SLC15A5: variants seen among roughly 807,000 people sequenced by gnomAD.
The protein encoded by SLC15A5 is Peptide/histidine transporter ENSP00000340402.
In SLC15A5, 58 loss-of-function variants were observed where a neutral mutation model predicts 56.1. The ratio of observed to expected loss-of-function variants is 1.03; its 90% CI spans 0.84 to 1.29. The LOEUF (loss-of-function observed/expected upper bound fraction) is 1.29, where lower values mean the gene tolerates loss of function less well. Ranked by LOEUF, SLC15A5 falls within the 50% of genes most tolerant of loss-of-function variation. SLC15A5 has a pLI of 0.00. For synonymous variants in SLC15A5, 264 were observed against 250.5 expected, an observed-to-expected ratio of 1.05 and a Z score of -0.51; for missense variants, 681 against 672.1, an observed-to-expected ratio of 1.01 and a Z score of -0.15.
chr12:16,272,133 A>G (rs1864766439), intron 2 of SLC15A5, among the ~76,000 whole-genome samples: 2 of 152,160 alleles, frequency 1.3e-5, no homozygotes, highest in African/African-American at 2.4e-5. Context: ...AGCAATACAC[A>G]TGGTGTTACC....
intron 5 of SLC15A5, among the ~76,000 whole-genome samples, chr12:16,229,091 GT>G (rs1399099598): frequency 6.6e-6 from 1 of 152,168 alleles, no homozygotes; most frequent in Non-Finnish European, 1.5e-5. Flanking sequence ...TGGTCTTCTT[GT>G]TTCCACTCTT....
chr12:16,262,315 C>A (rs111429850), intron 2 of SLC15A5, among the ~76,000 whole-genome samples: 6 of 152,304 alleles, frequency 3.9e-5, no homozygotes, highest in Admixed American at 2.0e-4. Context: ...TCATTCCTCT[C>A]ATTCCTCTCA....
chr12:16,202,802 C>A (rs1330665977), intron 7 of SLC15A5, among the ~76,000 whole-genome samples: 1 of 152,074 alleles, frequency 6.6e-6, no homozygotes, highest in African/African-American at 2.4e-5. Context: ...AAAATTCTGT[C>A]ATTTGTGACA....
intron 3 of SLC15A5, 83 bp from the exon 4 acceptor site, chr12:16,244,883 C>G (rs968784089): frequency 6.5e-5 from 91 of 1,391,222 alleles, no homozygotes; most frequent in Admixed American, 4.5e-4. Context: ...GATAACGATT[C>G]AAGGATTCAC....
At chr12:16,224,716 G>GT (rs1864222599) in intron 5 of SLC15A5, 114 bp from the exon 6 acceptor site, 1 of 1,120,588 alleles carries the variant, frequency 8.9e-7, no homozygotes, top group Non-Finnish European at 1.2e-6. Context: ...TTGTTTGTTT[G>GT]TTTTTATTTT....
At position 16,235,664 on chromosome 12, in the gene SLC15A5, TAC is replaced by T. The variant is rs1864346303; in HGVS notation, c.1162+4015_1162+4016del. Among the ~76,000 whole-genome samples the T allele has an allele frequency of 6.6e-6, 1 of 152,154 alleles. No homozygotes were observed. The highest frequency in any genetic ancestry group is 6.5e-5 in the Admixed American group (1 of 15,268). ...TTCATGGTTTACTTCTTTTGGTGTT[TAC>T]GCAGTTCCTCCTATCAAGTATTTTA... On this transcript the variant is annotated intron_variant, in intron 5 of 8. Coordinates refer to ENST00000344941, the MANE Select transcript of SLC15A5 (RefSeq NM_001170798.1). The surrounding 1 kb of genome is among the most constrained non-coding windows in gnomAD (Gnocchi z 4.1).
chr12:16,270,790 T>C (rs996910429), intron 2 of SLC15A5, among the ~76,000 whole-genome samples: 12 of 152,142 alleles, frequency 7.9e-5, no homozygotes, highest in African/African-American at 2.9e-4. Context: ...GCCCCCGCAC[T>C]GTGTACAGGA....
At chr12:16,249,122 T>C (rs1413083933) in intron 3 of SLC15A5, among the ~76,000 whole-genome samples, 2 of 152,032 alleles carry the variant, frequency 1.3e-5, no homozygotes, top group Non-Finnish European at 2.9e-5. Flanking sequence ...CATTGCACTC[T>C]AGATGGTAGA....
At position 16,244,597 on chromosome 12, in the gene SLC15A5, T is replaced by C; in HGVS notation, c.958A>G (p.Arg320Gly). Residue 320 changes from arginine to glycine, a missense_variant, in exon 4 of 9, where the codon AGA (arginine) becomes GGA (glycine). Arg to Gly is a moderately radical substitution (Grantham distance 125). Transcript: ENST00000344941. Reference protein sequence around the residue: ...LPLFIFQLLYRMCIMQIPSGY... With the variant: ...LPLFIFQLLYGMCIMQIPSGY... ...GTCCTTACCTGCATAATGCACATTC[T>C]GTATAGGAGCTGAAAAATGAAGAGA... 5 of 1,537,736 alleles carry C rather than the reference T, an allele frequency of 3.3e-6. No homozygotes were observed. Among genetic ancestry groups the C allele is most frequent in the Non-Finnish European group, 4.4e-6 (5 of 1,147,024 alleles).
chr12:16,252,077 T>C (rs576444522), intron 3 of SLC15A5, among the ~76,000 whole-genome samples: 123 of 152,128 alleles, frequency 8.1e-4, no homozygotes, highest in African/African-American at 2.8e-3. Context: ...ATCATCTCAA[T>C]GGATGCAGGA....
chr12:16,210,030 A>G (rs1565658938), intron 7 of SLC15A5, among the ~76,000 whole-genome samples: 2 of 152,090 alleles, frequency 1.3e-5, no homozygotes, highest in South Asian at 2.1e-4. Context: ...TAACTCTCCA[A>G]TGTGACTTCA....
intron 5 of SLC15A5, among the ~76,000 whole-genome samples, chr12:16,236,083 T>A (rs1286448175): frequency 6.6e-6 from 1 of 152,220 alleles, no homozygotes; most frequent in Non-Finnish European, 1.5e-5. Flanking sequence ...TGTACACTTC[T>A]GCTTTGTGTA....
At chr12:16,274,087 A>G (rs1163083282) in intron 1 of SLC15A5, among the ~76,000 whole-genome samples, 1 of 151,892 alleles carries the variant, frequency 6.6e-6, no homozygotes, top group Non-Finnish European at 1.5e-5. Flanking sequence ...TCTAGTGATG[A>G]TGTGATATTC....
At chr12:16,249,113 A>G (rs543299685) in intron 3 of SLC15A5, among the ~76,000 whole-genome samples, 6 of 152,016 alleles carry the variant, frequency 3.9e-5, no homozygotes, top group Non-Finnish European at 5.9e-5. Flanking sequence ...AAAAGCCTAC[A>G]TTGCACTCTA....
intron 8 of SLC15A5, among the ~76,000 whole-genome samples, chr12:16,193,129 A>G (rs1441658258): frequency 1.3e-5 from 2 of 152,120 alleles, no homozygotes; most frequent in Admixed American, 6.6e-5. Flanking sequence ...GAATGAGGCC[A>G]TGTGAAATCT....
In SLC15A5 at chr12:16,216,906, A is replaced by G; in HGVS notation, c.1470T>C (p.Tyr490=). The G allele has an allele frequency of 1.3e-6, 2 of 1,536,534 alleles. No homozygotes were observed. Among genetic ancestry groups the G allele is most frequent in the Non-Finnish European group, 1.7e-6 (2 of 1,146,510 alleles). The stretch of plus-strand genomic sequence containing the variant: ...ACCTATTTTTACCATCTGAGATGAG[A>G]TATACCAACTTCACCAGCAGTGCCC... ...FTGALLVKLV[Y]LISDGNWFPN... Residue 490 remains tyrosine (Y), a synonymous_variant, in exon 7 of 9, where the codon TAT becomes TAC. Coordinates refer to ENST00000344941, the MANE Select transcript of SLC15A5 (RefSeq NM_001170798.1).
intron 2 of SLC15A5, among the ~76,000 whole-genome samples, chr12:16,262,658 T>C (rs1526986): frequency 0.97 from 148,306 of 152,324 alleles, 72,326 homozygotes; most frequent in East Asian, 1. Flanking sequence ...TATGGTTTAG[T>C]TCTCTGTCCC....
At chr12:16,238,629 C>CAAA (rs36053667) in intron 5 of SLC15A5, among the ~76,000 whole-genome samples, 48,471 of 115,558 alleles carry the variant, frequency 0.42, 10,787 homozygotes, top group South Asian at 0.61. Flanking sequence ...GACTCCGTCT[C>CAAA]AAAAAAAAAA....
At position 16,237,804 on chromosome 12, in the gene SLC15A5, G is replaced by C. The variant is rs749233534; in HGVS notation, c.1162+1877C>G. ...TCATGACACTGTACAAAACTGCTGAGATTTTTGGCATTTCACAATATGATT... is the reference window on the plus strand; with the variant it reads ...TCATGACACTGTACAAAACTGCTGACATTTTTGGCATTTCACAATATGATT... On this transcript the variant is annotated intron_variant, in intron 5 of 8. Coordinates refer to ENST00000344941, the MANE Select transcript of SLC15A5 (RefSeq NM_001170798.1). This position sits in a 1 kb window ranked among gnomAD's most constrained non-coding sequence, Gnocchi z 4.1. Among the ~76,000 whole-genome samples the C allele has an allele frequency of 6.6e-6, 1 of 152,146 alleles. No homozygotes were observed. Among genetic ancestry groups the C allele is most frequent in the Non-Finnish European group, 1.5e-5 (1 of 68,020 alleles).
Sources: allele counts gnomAD v4.1 joint callset (sites outside exome capture counted in the v4.1 genomes callset), GRCh38; gene constraint gnomAD v4.1.1; non-coding constraint Gnocchi (gnomAD v3.1); transcripts MANE v1.5; gene names NCBI Gene and HGNC (gene_info 2026-07-23, HGNC 2026-07-21).